GPM6A: variants seen among roughly 807,000 people sequenced by gnomAD.
GPM6A encodes the protein glycoprotein M6A.
A neutral mutation model predicts 32.1 loss-of-function variants in GPM6A; 7 were observed. The observed-to-expected ratio is 0.22, with a 90% CI of 0.12 to 0.41. GPM6A has a LOEUF of 0.41. GPM6A is among the 10% of genes least tolerant of loss of function. GPM6A has a pLI of 1.00. For synonymous variants in GPM6A, 130 were observed against 123.4 expected (o/e 1.05, Z -0.35); for missense variants, 235 against 347.2 (o/e 0.68, Z 2.57).
intron 1 of GPM6A, among the ~76,000 whole-genome samples, chr4:175,973,051 C>T (rs1403600213): frequency 6.6e-6 from 1 of 152,142 alleles, no homozygotes; most frequent in Admixed American, 6.5e-5. Flanking sequence ...TAACAGTGAA[C>T]ACCCACCTGA....
intron 1 of GPM6A, among the ~76,000 whole-genome samples, chr4:175,915,857 C>T (rs1348231900): frequency 1.3e-5 from 2 of 152,102 alleles, no homozygotes; most frequent in East Asian, 1.9e-4. Context: ...TGTTGTTTTG[C>T]TTTGTTGTTT....
chr4:175,732,061 G>A (rs1439935479), intron 1 of GPM6A, among the ~76,000 whole-genome samples: 2 of 150,344 alleles, frequency 1.3e-5, no homozygotes, highest in Admixed American at 6.7e-5. Flanking sequence ...CTGCCTCCTG[G>A]GTTCAAGCGA....
intron 1 of GPM6A, among the ~76,000 whole-genome samples, chr4:175,779,864 T>A (rs1733547341): frequency 2.6e-5 from 4 of 152,034 alleles, no homozygotes; most frequent in Admixed American, 2.6e-4. Context: ...TAACTATAAG[T>A]TCAAAATTAA....
At chr4:175,695,151 C>G (rs1038460726) in intron 2 of GPM6A, among the ~76,000 whole-genome samples, 4 of 152,302 alleles carry the variant, frequency 2.6e-5, no homozygotes, top group East Asian at 1.9e-4. Context: ...CAGGCATAAG[C>G]CTGCTTCAGA....
At chr4:175,979,748 T>C (rs1370740278) in intron 1 of GPM6A, among the ~76,000 whole-genome samples, 1 of 152,204 alleles carries the variant, frequency 6.6e-6, no homozygotes, top group Non-Finnish European at 1.5e-5. Context: ...GCTGAAAATA[T>C]CAATTACTTA....
chr4:175,682,089 A>T (rs1743718777), intron 2 of GPM6A, among the ~76,000 whole-genome samples: 1 of 152,152 alleles, frequency 6.6e-6, no homozygotes, highest in Admixed American at 6.5e-5. Context: ...AAGGTCTCAG[A>T]TGAAAATGAG....
intron 1 of GPM6A, among the ~76,000 whole-genome samples, chr4:175,866,407 C>A (rs576035745): frequency 1.3e-5 from 2 of 152,206 alleles, no homozygotes; most frequent in South Asian, 4.2e-4. Flanking sequence ...TTCACTGCCT[C>A]GAAAATCCTC....
intron 2 of GPM6A, among the ~76,000 whole-genome samples, chr4:175,689,458 C>A (rs201053314): frequency 2.3e-5 from 3 of 133,146 alleles, no homozygotes; most frequent in Admixed American, 2.2e-4. Flanking sequence ...TTTTTTTTTT[C>A]TTTTTGAAGC....
intron 1 of GPM6A, among the ~76,000 whole-genome samples, chr4:175,890,182 T>G (rs918132126): frequency 1.1e-4 from 17 of 152,280 alleles, no homozygotes; most frequent in Middle Eastern, 6.8e-3. Flanking sequence ...GAAAACAAAC[T>G]CTGCAACAAT....
intron 2 of GPM6A, among the ~76,000 whole-genome samples, chr4:175,701,240 A>T (rs1281434980): frequency 6.6e-6 from 1 of 152,222 alleles, no homozygotes; most frequent in East Asian, 1.9e-4. Context: ...CCAGATTTGT[A>T]CCTGGCACTA....
At chr4:175,893,296 C>G (rs1436201068) in intron 1 of GPM6A, among the ~76,000 whole-genome samples, 1 of 152,090 alleles carries the variant, frequency 6.6e-6, no homozygotes, top group East Asian at 1.9e-4. Context: ...AGAAAATAAT[C>G]CTTTGTGATA....
At chr4:176,002,301 G>A (rs780714341) in intron 1 of GPM6A, 7 of 1,599,962 alleles carry the variant, frequency 4.4e-6, no homozygotes, top group Non-Finnish European at 8.5e-7. Flanking sequence ...GCCCGCCCGC[G>A]CACTCACCCA....
intron 1 of GPM6A, among the ~76,000 whole-genome samples, chr4:175,968,350 A>T (rs141947633): frequency 6.6e-6 from 1 of 152,210 alleles, no homozygotes; most frequent in African/African-American, 2.4e-5. Flanking sequence ...GAAAAATGTA[A>T]GTGATTTTAG....
chr4:175,863,013 CTT>C lies in GPM6A; in HGVS notation c.-22-50766_-22-50765del, dbSNP rs1456375268. ...TCTACACCTCATCTCCTCTCTCTCT[CTT>C]CCTTCCTTTTCTCCATTTCACTGAT... On this transcript the variant is annotated intron_variant, in intron 1 of 7. Transcript: ENST00000280187. Among the ~76,000 whole-genome samples the C allele has an allele frequency of 3.9e-5, 6 of 152,080 alleles. No individual in the cohort carries two copies. The South Asian group carries it at 1.2e-3, about 32-fold the overall frequency.
rs28562058 is a variant in GPM6A, at chr4:175,825,233, A to G, written c.-22-12984T>C. 9.8e-3 allele frequency among the ~76,000 whole-genome samples: 1,487 copies of G among 152,294 alleles called. 25 individuals carry two copies. Among genetic ancestry groups the G allele is most frequent in the African/African-American group, 0.033 (1,391 of 41,556 alleles). On this transcript the variant is annotated intron_variant, in intron 1 of 7. Coordinates refer to the GPM6A transcript ENST00000280187. ...CCAAGGTTTTACAGATAATTGTACT[A>G]GGTTACCTTGGGGTGCAGTAATCTT...
chr4:175,932,274 T>G (rs1296283403), intron 1 of GPM6A, among the ~76,000 whole-genome samples: 2 of 152,240 alleles, frequency 1.3e-5, no homozygotes, highest in East Asian at 3.9e-4. Flanking sequence ...TCTTCCATCA[T>G]GAAGGGGATT....
At chr4:175,770,385 A>T (rs1733139161) in intron 1 of GPM6A, among the ~76,000 whole-genome samples, 3 of 152,208 alleles carry the variant, frequency 2.0e-5, no homozygotes, top group Admixed American at 6.5e-5. Context: ...TTAATCTCTT[A>T]GCTCTTAATT....
intron 1 of GPM6A, among the ~76,000 whole-genome samples, chr4:175,999,900 T>C (rs898132024): frequency 9.2e-5 from 14 of 152,180 alleles, no homozygotes; most frequent in Admixed American, 5.9e-4. Flanking sequence ...TTCTGAGTAG[T>C]GAAGTTTTAT....
At chr4:175,833,079 T>G (rs561157159) in intron 1 of GPM6A, among the ~76,000 whole-genome samples, 20 of 152,322 alleles carry the variant, frequency 1.3e-4, no homozygotes, top group African/African-American at 4.8e-4. Flanking sequence ...TAAGGAGTAT[T>G]TCCCCCAAAA....
Sources: allele counts gnomAD v4.1 joint callset (sites outside exome capture counted in the v4.1 genomes callset), GRCh38; gene constraint gnomAD v4.1.1; transcripts MANE v1.5; gene names NCBI Gene and HGNC (gene_info 2026-07-23, HGNC 2026-07-21).